The following NLGN1 variants were observed in gnomAD, a reference collection of about 807,000 sequenced individuals.
The protein encoded by NLGN1 is neuroligin-1.
In NLGN1, 12 loss-of-function variants were observed where a neutral mutation model predicts 65.5. The ratio of observed to expected loss-of-function variants is 0.18; its 90% CI spans 0.12 to 0.30. The LOEUF (loss-of-function observed/expected upper bound fraction) is 0.30. NLGN1 is among the 10% of genes least tolerant of loss of function. NLGN1 has a pLI of 1.00. For missense variants in NLGN1, 750 were observed against 1,007.1 expected (o/e 0.74, Z 3.46); for synonymous variants, 350 against 359.5 (o/e 0.97, Z 0.30).
chr3:174,052,661 T>C (rs970231808), intron 4 of NLGN1, among the ~76,000 whole-genome samples: 8 of 152,080 alleles, frequency 5.3e-5, no homozygotes, highest in Non-Finnish European at 7.4e-5. Flanking sequence ...ATATCATTTA[T>C]TTAAACTCTT....
intron 2 of NLGN1, among the ~76,000 whole-genome samples, chr3:173,592,186 T>C (rs907822010): frequency 3.3e-5 from 5 of 152,182 alleles, no homozygotes; most frequent in Non-Finnish European, 5.9e-5. Context: ...CAATTAATAT[T>C]TGGAGATTAC....
chr3:173,833,853 A>AAAATTTGTTAAAAATG lies in NLGN1; in HGVS notation c.646+26021_646+26022insAAATTTGTTAAAAATG, dbSNP rs1723078629. ...CTCCTATAGGAGTTTAAAATTTGTT[A>AAAATTTGTTAAAAATG]TATAGTCAAATATACATTTTTTTTC... On this transcript the variant is annotated intron_variant, in intron 4 of 6. Coordinates refer to ENST00000457714, the Ensembl canonical transcript of NLGN1. Among the ~76,000 whole-genome samples, 4 of 152,270 alleles carry AAAATTTGTTAAAAATG rather than the reference A, an allele frequency of 2.6e-5. No individual in the cohort carries two copies. In the South Asian group the frequency reaches 8.3e-4, roughly 32 times the overall value.
At chr3:173,640,444 C>T (rs916957314) in intron 3 of NLGN1, among the ~76,000 whole-genome samples, 2 of 151,928 alleles carry the variant, frequency 1.3e-5, no homozygotes, top group African/African-American at 2.4e-5. Context: ...CTATTGACAA[C>T]GTTTTTGAAT....
intron 3 of NLGN1, among the ~76,000 whole-genome samples, chr3:173,664,704 C>T (rs566714433): frequency 6.6e-6 from 1 of 152,078 alleles, no homozygotes; most frequent in South Asian, 2.1e-4. Flanking sequence ...CTGTATTATG[C>T]CTTATGTGTT....
chr3:173,705,677 A>C (rs967307354), intron 3 of NLGN1, among the ~76,000 whole-genome samples: 1 of 152,160 alleles, frequency 6.6e-6, no homozygotes, highest in African/African-American at 2.4e-5. Context: ...TAAATAATTT[A>C]ACTTTTTTGT....
chr3:173,859,795 A>G (rs1204809980), intron 4 of NLGN1, among the ~76,000 whole-genome samples: 2 of 151,964 alleles, frequency 1.3e-5, no homozygotes, highest in Non-Finnish European at 2.9e-5. Context: ...GTTTTTTTCA[A>G]GATGTTTTCT....
intron 4 of NLGN1, among the ~76,000 whole-genome samples, chr3:174,124,692 C>T (rs896799994): frequency 9.5e-5 from 14 of 147,530 alleles, no homozygotes; most frequent in African/African-American, 3.0e-4. Flanking sequence ...TATAAGTATA[C>T]ACTTATAGTA....
chr3:173,692,256 A>G (rs1765579808), intron 3 of NLGN1, among the ~76,000 whole-genome samples: 1 of 152,150 alleles, frequency 6.6e-6, no homozygotes, highest in Admixed American at 6.5e-5. Context: ...AGATGTTATG[A>G]CATCGCTTAC....
intron 4 of NLGN1, among the ~76,000 whole-genome samples, chr3:174,072,965 T>A (rs1216433095): frequency 6.6e-6 from 1 of 152,186 alleles, no homozygotes; most frequent in African/African-American, 2.4e-5. Context: ...ATTTTCTGAT[T>A]AATAAATTAA....
At chr3:174,196,063 A>G (rs1359852109) in intron 4 of NLGN1, among the ~76,000 whole-genome samples, 1 of 152,182 alleles carries the variant, frequency 6.6e-6, no homozygotes, top group East Asian at 1.9e-4. Flanking sequence ...CTATAGTCTT[A>G]GACAGACTAT....
At chr3:173,399,113 C>A (rs1717177466) in intron 1 of NLGN1, among the ~76,000 whole-genome samples, 1 of 152,094 alleles carries the variant, frequency 6.6e-6, no homozygotes, top group South Asian at 2.1e-4. Flanking sequence ...ATTTACTGTG[C>A]CTTTGGCAGA....
At chr3:173,951,874 A>G (rs1164329353) in intron 4 of NLGN1, among the ~76,000 whole-genome samples, 2 of 152,182 alleles carry the variant, frequency 1.3e-5, no homozygotes, top group Admixed American at 6.5e-5. Context: ...GCAAATTTTA[A>G]TGTGTGCCTT....
chr3:174,069,303 T>C (rs1739326288), intron 4 of NLGN1, among the ~76,000 whole-genome samples: 1 of 152,186 alleles, frequency 6.6e-6, no homozygotes. Flanking sequence ...TAAAAAGTTT[T>C]TCCTGTAGTT....
chr3:174,140,116 T>C (rs1722019073), intron 4 of NLGN1, among the ~76,000 whole-genome samples: 1 of 152,154 alleles, frequency 6.6e-6, no homozygotes, highest in African/African-American at 2.4e-5. Context: ...GGATTTGCTA[T>C]ATATTATTTA....
At chr3:174,276,123 CTATTTTT>C (rs1367731850) in intron 5 of NLGN1, among the ~76,000 whole-genome samples, 4 of 151,768 alleles carry the variant, frequency 2.6e-5, no homozygotes, top group Non-Finnish European at 1.5e-5. Flanking sequence ...AGTGTTTTTT[CTATTTTT>C]AACTCCAAAA....
intron 4 of NLGN1, among the ~76,000 whole-genome samples, chr3:173,851,529 C>T (rs1265901552): frequency 6.6e-6 from 1 of 152,160 alleles, no homozygotes; most frequent in Non-Finnish European, 1.5e-5. Flanking sequence ...TGATCTTATA[C>T]TTTCAAAATC....
At chr3:173,941,652 A>C (rs1450074447) in intron 4 of NLGN1, among the ~76,000 whole-genome samples, 2 of 152,036 alleles carry the variant, frequency 1.3e-5, no homozygotes, top group East Asian at 1.9e-4. Context: ...GGAGACTGAG[A>C]TAGATAGATA....
At chr3:173,478,067 G>A (rs1046373645) in intron 2 of NLGN1, among the ~76,000 whole-genome samples, 2 of 151,904 alleles carry the variant, frequency 1.3e-5, no homozygotes, top group Non-Finnish European at 2.9e-5. Context: ...ATACCCAAAG[G>A]AACATAAATC....
At chr3:174,058,347 A>G (rs769082384) in intron 4 of NLGN1, among the ~76,000 whole-genome samples, 7 of 152,144 alleles carry the variant, frequency 4.6e-5, no homozygotes, top group Non-Finnish European at 7.4e-5. Flanking sequence ...TATACTGGAG[A>G]GTACCTGATT....
Sources: gnomAD v4.1 joint callset for allele counts (sites outside exome capture counted in the v4.1 genomes callset) on GRCh38, gnomAD v4.1.1 for gene constraint, MANE v1.5 for transcripts, NCBI Gene and HGNC (gene_info 2026-07-23, HGNC 2026-07-21) for gene names.